Variants in OR1J2 observed in about 807,000 individuals in gnomAD.
OR1J2 encodes the protein olfactory receptor 1J2.
For synonymous variants in OR1J2, 142 were observed against 99.7 expected, an observed-to-expected ratio of 1.42 and a Z score of -2.52; for missense variants, 304 against 246.1, an observed-to-expected ratio of 1.24 and a Z score of -1.57.
At chr9:122,534,930 C>T in the OR1J2 span, among the ~76,000 whole-genome samples, 25 of 152,172 alleles carry the variant, frequency 1.6e-4, no homozygotes, top group Non-Finnish European at 3.1e-4. Flanking sequence ...TATTTGGAAC[C>T]ACTGTCGAGT....
At chr9:122,479,249 A>G in the OR1J2 span, among the ~76,000 whole-genome samples, 2 of 151,986 alleles carry the variant, frequency 1.3e-5, no homozygotes, top group East Asian at 1.9e-4. Flanking sequence ...CATCTCATCA[A>G]TTTCTCCATG....
At chr9:122,502,749 A>G in the OR1J2 span, among the ~76,000 whole-genome samples, 1 of 151,704 alleles carries the variant, frequency 6.6e-6, no homozygotes, top group African/African-American at 2.4e-5. Flanking sequence ...CTTTAGGCTT[A>G]GTGGAATCTT....
At chr9:122,521,238 G>A in the OR1J2 span, among the ~76,000 whole-genome samples, 1 of 152,210 alleles carries the variant, frequency 6.6e-6, no homozygotes, top group African/African-American at 2.4e-5. Flanking sequence ...CATCAGAGAT[G>A]AGTTTTGAAG....
the OR1J2 span, among the ~76,000 whole-genome samples, chr9:122,462,307 C>T: frequency 7.1e-6 from 1 of 140,768 alleles, no homozygotes; most frequent in East Asian, 2.3e-4. Context: ...GTATGTGAGT[C>T]CTTATGTGAC....
chr9:122,452,032 C>T, the OR1J2 span, among the ~76,000 whole-genome samples: 1 of 152,314 alleles, frequency 6.6e-6, no homozygotes, highest in African/African-American at 2.4e-5. Context: ...GTGCCTGCCA[C>T]CACGCCCGGC....
At chr9:122,560,755 T>C in the OR1J2 span, among the ~76,000 whole-genome samples, 4 of 152,310 alleles carry the variant, frequency 2.6e-5, no homozygotes, top group East Asian at 7.7e-4. Context: ...TGGCTGCCCT[T>C]AACATTTTTT....
chr9:122,527,243 C>G, the OR1J2 span: 463 of 1,613,050 alleles, frequency 2.9e-4, no homozygotes, highest in Non-Finnish European at 3.8e-4. Context: ...GCTCTGGAGG[C>G]GCTGATATTC....
At chr9:122,448,495 T>A in the OR1J2 span, among the ~76,000 whole-genome samples, 1 of 152,130 alleles carries the variant, frequency 6.6e-6, no homozygotes, top group Admixed American at 6.5e-5. Flanking sequence ...ATCCTCCTCA[T>A]CACAGACCCT....
chr9:122,539,579 G>A, the OR1J2 span, among the ~76,000 whole-genome samples: 1 of 152,262 alleles, frequency 6.6e-6, no homozygotes, highest in Non-Finnish European at 1.5e-5. Context: ...AAACATACGT[G>A]TGCATGTGTC....
At chr9:122,548,589 T>TTATATATATATATATATATA in the OR1J2 span, among the ~76,000 whole-genome samples, 26 of 151,276 alleles carry the variant, frequency 1.7e-4, no homozygotes, top group South Asian at 6.3e-4. Flanking sequence ...TTTAAAATTT[T>TTATATATATATATATATATA]TATATATATA....
chr9:122,484,666 A>G, the OR1J2 span, among the ~76,000 whole-genome samples: 1 of 152,052 alleles, frequency 6.6e-6, no homozygotes, highest in South Asian at 2.1e-4. Context: ...AGGGGCAAAA[A>G]TTTCTGCTGT....
At chr9:122,519,541 C>G in the OR1J2 span, 92 of 1,614,054 alleles carry the variant, frequency 5.7e-5, no homozygotes, top group Non-Finnish European at 7.7e-5. Flanking sequence ...CGCTACACCA[C>G]TATCATGAAA....
At chr9:122,478,826 C>T in the OR1J2 span, among the ~76,000 whole-genome samples, 1 of 152,142 alleles carries the variant, frequency 6.6e-6, no homozygotes, top group Non-Finnish European at 1.5e-5. Flanking sequence ...GTTGCCAAGG[C>T]TGGAGTGCAG....
chr9:122,512,920 A>C (rs977656763), downstream of OR1J2, among the ~76,000 whole-genome samples: 6 of 152,202 alleles, frequency 3.9e-5, no homozygotes, highest in African/African-American at 1.4e-4. Flanking sequence ...ACATATTTTC[A>C]TATTTCTGAA....
the OR1J2 span, among the ~76,000 whole-genome samples, chr9:122,465,890 A>G: frequency 6.6e-6 from 1 of 152,084 alleles, no homozygotes; most frequent in Non-Finnish European, 1.5e-5. Context: ...TCCTGTTAAA[A>G]CCTGTCCCTT....
chr9:122,571,148 A>G, the OR1J2 span, among the ~76,000 whole-genome samples: 3 of 152,172 alleles, frequency 2.0e-5, no homozygotes. Flanking sequence ...CATGTTCAGA[A>G]TCCACTCTTG....
At chr9:122,501,580 C>T in the OR1J2 span, among the ~76,000 whole-genome samples, 13 of 152,062 alleles carry the variant, frequency 8.5e-5, no homozygotes, top group Non-Finnish European at 1.9e-4. Context: ...CTTCTTAATA[C>T]GTGCCGAGAG....
At chr9:122,463,712 C>T in the OR1J2 span, among the ~76,000 whole-genome samples, 3 of 152,168 alleles carry the variant, frequency 2.0e-5, no homozygotes, top group Non-Finnish European at 4.4e-5. Context: ...AATCTAGCCA[C>T]CCAGTGAAGC....
chr9:122,470,242 A>C, the OR1J2 span, among the ~76,000 whole-genome samples: 2 of 152,182 alleles, frequency 1.3e-5, no homozygotes, highest in Non-Finnish European at 2.9e-5. Context: ...TGCTGTGTGC[A>C]GTATAGAGAC....
Sources: allele counts gnomAD v4.1 joint callset (sites outside exome capture counted in the v4.1 genomes callset), GRCh38; gene constraint gnomAD v4.1.1; transcripts MANE v1.5; gene names NCBI Gene and HGNC (gene_info 2026-07-23, HGNC 2026-07-21).